Variants in P3H2 observed in about 807,000 individuals in gnomAD.
The protein encoded by P3H2 is leprecan-like 1.
A neutral mutation model predicts 87.0 loss-of-function variants in P3H2; 80 were observed. That is an observed-to-expected ratio of 0.92 (90% CI 0.77 to 1.11). P3H2 has a LOEUF of 1.11. Ranked by LOEUF, P3H2 falls within the 50% of genes least tolerant of loss-of-function variation. The probability of loss-of-function intolerance (pLI) is 0.00; values close to 1 mark genes in which losing one functional copy is unlikely to be tolerated. For synonymous variants in P3H2, 367 were observed against 359.3 expected (o/e 1.02, Z -0.24); for missense variants, 1,001 against 923.9 (o/e 1.08, Z -1.08).
rs546835053 is a variant in P3H2 at position 189,995,068 on chromosome 3, GTTTT to G, written c.633+218_633+221del. On this transcript the variant is annotated intron_variant, in intron 2 of 14. Transcript: ENST00000319332. ...TAATTTAAAAATTTTTAATTTTTTA[GTTTT>G]TTTATTTCAACTTTTAAAATTTTAA... Among the ~76,000 whole-genome samples the G allele has an allele frequency of 1.7e-3, 262 of 151,664 alleles. 2 individuals are homozygous for G. In the Middle Eastern group the frequency reaches 0.02, roughly 12 times the overall value.
At chr3:189,972,480 G>A (rs1015140756) in intron 11 of P3H2, among the ~76,000 whole-genome samples, 1 of 152,104 alleles carries the variant, frequency 6.6e-6, no homozygotes, top group Non-Finnish European at 1.5e-5. Context: ...AGAAGGTCCC[G>A]GTCTTTTTAA....
chr3:190,091,343 G>A lies in P3H2; in HGVS notation c.480+28909C>T, dbSNP rs190398319. Among the ~76,000 whole-genome samples the A allele has an allele frequency of 1.2e-4, 18 of 152,314 alleles. No individual in the cohort carries two copies. The East Asian group carries it at 2.3e-3, about 20-fold the overall frequency. On this transcript the variant is annotated intron_variant, in intron 1 of 14. Transcript: ENST00000319332. ...AGTCATGATTGCCATATGGAAACAC[G>A]AAGTGGACACATTTGTTACCTTAAC... is the stretch of plus-strand genomic sequence containing the variant.
Position 190,120,871 on chromosome 3 carries a change from C to T in P3H2, c.-140G>A. 7.5e-7 allele frequency: 1 copy of T among 1,339,998 alleles called. No individual in the cohort carries two copies. Among genetic ancestry groups the T allele is most frequent in the South Asian group, 1.6e-5 (1 of 63,574 alleles). The allele number at this position is 1,339,998 out of a possible 1,614,324, so 83.0% of individuals were successfully genotyped here. The stretch of plus-strand genomic sequence containing the variant: ...TGGCCGCTCCGCGAGCCCCAGGTGA[C>T]CGCCGGCGCTCCGCGTACTGAGAGG... On this transcript the variant is annotated 5_prime_UTR_variant, in exon 1 of 15. Coordinates refer to ENST00000319332, the MANE Select transcript of P3H2 (RefSeq NM_018192.4).
chr3:189,992,904 A>G (rs990213020), intron 3 of P3H2, among the ~76,000 whole-genome samples: 5 of 152,234 alleles, frequency 3.3e-5, no homozygotes, highest in Admixed American at 2.6e-4. Context: ...TTTGCCTATA[A>G]AATATTTTGC....
chr3:189,971,012 C>T (rs1319507472), intron 12 of P3H2, 121 bp from the exon 13 acceptor site: 4 of 655,100 alleles, frequency 6.1e-6, no homozygotes, highest in African/African-American at 5.4e-5. Flanking sequence ...TTGAACTAGA[C>T]ATTGATATAA....
intron 14 of P3H2, chr3:189,963,742 C>T: frequency 5.2e-6 from 3 of 582,150 alleles, no homozygotes; most frequent in Non-Finnish European, 9.2e-6. Flanking sequence ...CCACGCCCAG[C>T]CTTACAATTT....
intron 1 of P3H2, among the ~76,000 whole-genome samples, chr3:190,090,870 A>G (rs1490122243): frequency 6.6e-6 from 1 of 152,140 alleles, no homozygotes; most frequent in African/African-American, 2.4e-5. Flanking sequence ...CCTTTGCAAG[A>G]CGTAACTTCA....
intron 3 of P3H2, 115 bp from the exon 4 acceptor site, chr3:189,989,153 T>G: frequency 7.9e-7 from 1 of 1,261,238 alleles, no homozygotes; most frequent in Admixed American, 1.8e-5. Flanking sequence ...GAAGACCAAA[T>G]TATTATAATC....
intron 11 of P3H2, 62 bp from the exon 12 acceptor site, chr3:189,972,069 CTG>C: frequency 2.1e-6 from 2 of 955,306 alleles, no homozygotes; most frequent in South Asian, 2.6e-5. Context: ...ACCAAAGTAA[CTG>C]ACAATCTCTC....
chr3:190,088,529 G>C (rs1727301464), intron 1 of P3H2, among the ~76,000 whole-genome samples: 1 of 152,164 alleles, frequency 6.6e-6, no homozygotes, highest in Non-Finnish European at 1.5e-5. Context: ...ATTGGGAAGG[G>C]AAGGATAAAA....
chr3:190,006,980 A>G (rs1326355043), intron 1 of P3H2, among the ~76,000 whole-genome samples: 1 of 152,200 alleles, frequency 6.6e-6, no homozygotes, highest in Non-Finnish European at 1.5e-5. Flanking sequence ...CATTATCTAT[A>G]TGTGCATGTT....
At chr3:190,020,179 G>T (rs1724892897) in intron 1 of P3H2, among the ~76,000 whole-genome samples, 2 of 133,346 alleles carry the variant, frequency 1.5e-5, no homozygotes, top group African/African-American at 5.2e-5. Context: ...TTCAACACCA[G>T]GTTTCTGGCA....
At chr3:190,043,820 A>G (rs1725718323) in intron 1 of P3H2, among the ~76,000 whole-genome samples, 1 of 152,196 alleles carries the variant, frequency 6.6e-6, no homozygotes, top group Non-Finnish European at 1.5e-5. Flanking sequence ...TGTCTCCCAG[A>G]GTCAGATGGA....
At chr3:190,099,045 A>G (rs527622768) in intron 1 of P3H2, among the ~76,000 whole-genome samples, 2 of 152,192 alleles carry the variant, frequency 1.3e-5, no homozygotes, top group South Asian at 2.1e-4. Flanking sequence ...TTTAAGAAAA[A>G]GGGTTCTTTC....
intron 1 of P3H2, among the ~76,000 whole-genome samples, chr3:190,045,845 G>A (rs761855700): frequency 6.6e-6 from 1 of 152,084 alleles, no homozygotes; most frequent in Non-Finnish European, 1.5e-5. Flanking sequence ...ACCTAGGCCG[G>A]GCACGGTGGC....
chr3:190,089,505 T>C (rs1727341891), intron 1 of P3H2, among the ~76,000 whole-genome samples: 2 of 152,214 alleles, frequency 1.3e-5, no homozygotes, highest in Admixed American at 1.3e-4. Flanking sequence ...AACACCTTAA[T>C]GTCTCCTTCC....
At chr3:190,100,418 G>C (rs182326988) in intron 1 of P3H2, among the ~76,000 whole-genome samples, 1 of 152,110 alleles carries the variant, frequency 6.6e-6, no homozygotes, top group African/African-American at 2.4e-5. Context: ...AAAATGAGGA[G>C]TGAACAACTG....
chr3:190,096,633 A>C (rs1438880989), intron 1 of P3H2, among the ~76,000 whole-genome samples: 1 of 152,234 alleles, frequency 6.6e-6, no homozygotes, highest in African/African-American at 2.4e-5. Context: ...AGATGAAAAA[A>C]GCTTTTGGGC....
At chr3:190,056,341 C>T (rs1305784601) in intron 1 of P3H2, among the ~76,000 whole-genome samples, 1 of 152,184 alleles carries the variant, frequency 6.6e-6, no homozygotes, top group Non-Finnish European at 1.5e-5. Flanking sequence ...ATAGAGACCA[C>T]AGGCAGTTCC....
Sources: allele counts gnomAD v4.1 joint callset (sites outside exome capture counted in the v4.1 genomes callset), GRCh38; gene constraint gnomAD v4.1.1; transcripts MANE v1.5; gene names NCBI Gene and HGNC (gene_info 2026-07-23, HGNC 2026-07-21).